Variants in STEAP1B observed in about 807,000 individuals in gnomAD.
STEAP1B encodes the protein STEAP family protein MGC87042.
Under a neutral mutation model 27.9 loss-of-function variants are expected in STEAP1B, and 13 were observed. The observed-to-expected ratio is 0.47, with a 90% confidence interval of 0.30 to 0.74. The LOEUF is 0.74. Among genes scored for constraint, STEAP1B ranks in the 30% least tolerant of loss-of-function variants. The probability of loss-of-function intolerance (pLI) is 0.06; values close to 1 mark genes in which losing one functional copy is unlikely to be tolerated. For missense variants in STEAP1B, 250 were observed against 298.7 expected, an observed-to-expected ratio of 0.84 and a Z score of 1.20; for synonymous variants, 86 against 107.1, an observed-to-expected ratio of 0.80 and a Z score of 1.22.
intron 4 of STEAP1B, among the ~76,000 whole-genome samples, chr7:22,434,413 G>T (rs575870784): frequency 6.6e-6 from 1 of 152,212 alleles, no homozygotes; most frequent in East Asian, 1.9e-4. Flanking sequence ...TTTCCTTCTA[G>T]GTCTTCACCA....
chr7:22,448,951 T>TAGGTA (rs985454045), intron 4 of STEAP1B, among the ~76,000 whole-genome samples: 12 of 152,344 alleles, frequency 7.9e-5, no homozygotes, highest in South Asian at 6.2e-4. Context: ...TGGTAGGGAC[T>TAGGTA]AGGTAAGGTA....
At chr7:22,483,523 C>T (rs1786123329) in intron 4 of STEAP1B, among the ~76,000 whole-genome samples, 1 of 152,144 alleles carries the variant, frequency 6.6e-6, no homozygotes, top group African/African-American at 2.4e-5. Flanking sequence ...TTGTGGCAAG[C>T]CTCTGTCAAG....
intron 4 of STEAP1B, among the ~76,000 whole-genome samples, chr7:22,435,175 C>G (rs1057297773): frequency 6.6e-6 from 1 of 152,046 alleles, no homozygotes; most frequent in African/African-American, 2.4e-5. Context: ...AAGCAACACA[C>G]CAATGTGAAT....
At chr7:22,467,678 G>C (rs1785809766) in intron 4 of STEAP1B, among the ~76,000 whole-genome samples, 2 of 152,074 alleles carry the variant, frequency 1.3e-5, no homozygotes, top group African/African-American at 4.8e-5. Context: ...CTCTTCTCTT[G>C]TCTGCTGCCA....
chr7:22,424,163 A>G (rs1372793738), intron 4 of STEAP1B, among the ~76,000 whole-genome samples: 1 of 152,264 alleles, frequency 6.6e-6, no homozygotes, highest in Non-Finnish European at 1.5e-5. Context: ...TTTAATGTGA[A>G]AAATAACAAA....
intron 4 of STEAP1B, among the ~76,000 whole-genome samples, chr7:22,488,744 A>C (rs1786264051): frequency 6.6e-6 from 1 of 152,214 alleles, no homozygotes; most frequent in Non-Finnish European, 1.5e-5. Flanking sequence ...AGGCAGAAGC[A>C]GTCAGGGGAC....
At chr7:22,456,972 A>ATATATATATATATATATATATAT in intron 4 of STEAP1B, among the ~76,000 whole-genome samples, 1 of 57,080 alleles carries the variant, frequency 1.8e-5, no homozygotes, top group African/African-American at 7.0e-5. Flanking sequence ...ATATATATAT[A>ATATATATATATATATATATATAT]TTTTTTTTTT....
intron 4 of STEAP1B, among the ~76,000 whole-genome samples, chr7:22,434,824 A>C (rs1785234422): frequency 6.6e-6 from 1 of 152,234 alleles, no homozygotes; most frequent in African/African-American, 2.4e-5. Context: ...AATAATAAAT[A>C]GTCAAAATAA....
At chr7:22,421,142 T>C (rs1221906231) in intron 4 of STEAP1B, among the ~76,000 whole-genome samples, 1 of 152,268 alleles carries the variant, frequency 6.6e-6, no homozygotes, top group African/African-American at 2.4e-5. Context: ...CATATTAATC[T>C]ATTGAACACT....
At chr7:22,500,008 AC>A (rs1476918657) in intron 1 of STEAP1B, 105 bp downstream of exon 1, 1 of 152,358 alleles carries the variant, frequency 6.6e-6, no homozygotes, top group African/African-American at 2.4e-5. Context: ...AAGGCTTGCG[AC>A]CCGCTACACC....
chr7:22,489,252 G>A (rs556198524), intron 4 of STEAP1B, among the ~76,000 whole-genome samples: 2 of 152,290 alleles, frequency 1.3e-5, no homozygotes, highest in East Asian at 1.9e-4. Flanking sequence ...AATGTAACTA[G>A]TAGTTACAAC....
intron 4 of STEAP1B, among the ~76,000 whole-genome samples, chr7:22,450,593 A>C (rs955126565): frequency 1.6e-5 from 2 of 126,544 alleles, no homozygotes; most frequent in Non-Finnish European, 3.4e-5. Context: ...TGATTCCTGT[A>C]GTTTTGTTTT....
chr7:22,488,188 T>C (rs1461109430), intron 4 of STEAP1B, among the ~76,000 whole-genome samples: 5 of 152,168 alleles, frequency 3.3e-5, no homozygotes, highest in Non-Finnish European at 7.4e-5. Context: ...AACTGCCCCA[T>C]CCACATGGCC....
At chr7:22,454,348 C>T (rs527452777) in intron 4 of STEAP1B, among the ~76,000 whole-genome samples, 2 of 152,038 alleles carry the variant, frequency 1.3e-5, no homozygotes, top group Non-Finnish European at 1.5e-5. Context: ...AGCCATTGTT[C>T]GCCGAATAAT....
intron 4 of STEAP1B, among the ~76,000 whole-genome samples, chr7:22,481,088 C>T (rs1212912054): frequency 1.3e-5 from 2 of 152,230 alleles, no homozygotes; most frequent in African/African-American, 4.8e-5. Context: ...TGGATGTCCT[C>T]GTTTCACAGT....
chr7:22,473,895 A>G (rs75162183), intron 4 of STEAP1B, among the ~76,000 whole-genome samples: 2 of 152,196 alleles, frequency 1.3e-5, no homozygotes, highest in African/African-American at 4.8e-5. Flanking sequence ...TTCCGCTGCC[A>G]AAAACCTGCC....
At chr7:22,422,075 T>G (rs879081276) in intron 4 of STEAP1B, among the ~76,000 whole-genome samples, 1 of 152,388 alleles carries the variant, frequency 6.6e-6, no homozygotes, top group African/African-American at 2.4e-5. Context: ...CCATTGAAGA[T>G]TATTCTCTTA....
chr7:22,493,564 T>C lies in STEAP1B; in HGVS notation c.357A>G (p.Pro119=). The C allele has an allele frequency of 6.2e-7, 1 of 1,613,978 alleles. No individual in the cohort carries two copies. The highest frequency in any genetic ancestry group is 8.5e-7 in the Non-Finnish European group (1 of 1,179,872). ...ATGCCAAGAGAGTGATGGAAACCAT[T>C]GGCAAGACTTTGTTGATGACCAGGA... ...IPILVINKVL[P]MVSITLLALV... Residue 119 remains proline, a synonymous_variant, in exon 3 of 5, where the codon CCA becomes CCG. Transcript: ENST00000678116.
At chr7:22,451,570 AT>A (rs1266213625) in intron 4 of STEAP1B, among the ~76,000 whole-genome samples, 1 of 152,152 alleles carries the variant, frequency 6.6e-6, no homozygotes, top group African/African-American at 2.4e-5. Context: ...GGTATATTTT[AT>A]CTCCAGTATT....
Sources: allele counts gnomAD v4.1 joint callset (sites outside exome capture counted in the v4.1 genomes callset), GRCh38; gene constraint gnomAD v4.1.1; transcripts MANE v1.5; gene names NCBI Gene and HGNC (gene_info 2026-07-23, HGNC 2026-07-21).